HS2ST1: variants seen among roughly 807,000 people sequenced by gnomAD.
The protein encoded by HS2ST1 is 2-O-sulfotransferase.
A neutral mutation model predicts 42.9 loss-of-function variants in HS2ST1; 18 were observed. The ratio of observed to expected loss-of-function variants is 0.42; its 90% CI spans 0.29 to 0.62. HS2ST1 has a LOEUF of 0.62. Among genes scored for constraint, HS2ST1 ranks in the 20% least tolerant of loss-of-function variants. The probability of loss-of-function intolerance (pLI) is 0.21; values close to 1 mark genes in which losing one functional copy is unlikely to be tolerated. For missense variants in HS2ST1, 334 were observed against 433.8 expected, an observed-to-expected ratio of 0.77 and a Z score of 2.04; for synonymous variants, 146 against 152.9, an observed-to-expected ratio of 0.95 and a Z score of 0.33.
chr1:87,010,786 T>C (rs1482578972), intron 1 of HS2ST1, among the ~76,000 whole-genome samples: 3 of 148,330 alleles, frequency 2.0e-5, no homozygotes, highest in Non-Finnish European at 4.4e-5. Context: ...TTGTTTTGTT[T>C]TGTTTTGTTT....
intron 1 of HS2ST1, among the ~76,000 whole-genome samples, chr1:87,055,634 G>A (rs1409415704): frequency 6.6e-6 from 1 of 152,186 alleles, no homozygotes; most frequent in Non-Finnish European, 1.5e-5. Context: ...TGCAGTCCAT[G>A]TACCATAGGG....
At chr1:86,994,820 A>G (rs1022722499) in intron 1 of HS2ST1, among the ~76,000 whole-genome samples, 2 of 152,160 alleles carry the variant, frequency 1.3e-5, no homozygotes, top group African/African-American at 2.4e-5. Flanking sequence ...AAGTATCTTC[A>G]TTTAACAGAA....
rs796977878 is a variant in HS2ST1, at chr1:87,052,912, T to C, written c.125-20022T>C. ...GTGTTCCTGGACCATCATATCAGCA[T>C]TGGGAACTGGACTGGCAAATTCTTA... On this transcript the variant is annotated intron_variant, in intron 1 of 6. Coordinates refer to ENST00000370550, the MANE Select transcript of HS2ST1 (RefSeq NM_012262.4). Among the ~76,000 whole-genome samples, 7 of 152,242 alleles carry C rather than the reference T, an allele frequency of 4.6e-5. No homozygotes were observed. The South Asian group carries it at 1.5e-3, about 32-fold the overall frequency.
chr1:87,018,438 G>A (rs1271959040), intron 1 of HS2ST1, among the ~76,000 whole-genome samples: 5 of 152,132 alleles, frequency 3.3e-5, no homozygotes, highest in Admixed American at 6.6e-5. Context: ...ATCCACCCAC[G>A]AGGCAGTTTT....
intron 1 of HS2ST1, among the ~76,000 whole-genome samples, chr1:86,931,377 CA>C (rs1660535806): frequency 6.6e-6 from 1 of 151,772 alleles, no homozygotes; most frequent in African/African-American, 2.4e-5. Flanking sequence ...TTTTGTAGCC[CA>C]TTTTTTTTGT....
At chr1:86,949,174 T>A (rs1647427550) in intron 1 of HS2ST1, among the ~76,000 whole-genome samples, 1 of 152,174 alleles carries the variant, frequency 6.6e-6, no homozygotes, top group Admixed American at 6.5e-5. Context: ...AATGCTGTGA[T>A]CTCAGCTCAC....
chr1:87,058,393 C>G (rs1651030771), intron 1 of HS2ST1, among the ~76,000 whole-genome samples: 1 of 151,698 alleles, frequency 6.6e-6, no homozygotes, highest in African/African-American at 2.4e-5. Flanking sequence ...TCAAGTATTT[C>G]AAGAGACTGT....
At chr1:86,922,359 A>T (rs549484798) in intron 1 of HS2ST1, among the ~76,000 whole-genome samples, 1 of 151,680 alleles carries the variant, frequency 6.6e-6, no homozygotes, top group South Asian at 2.1e-4. Flanking sequence ...AAATATATAA[A>T]ATGTTTAAAA....
chr1:86,949,191 C>T (rs1647428340), intron 1 of HS2ST1, among the ~76,000 whole-genome samples: 1 of 152,164 alleles, frequency 6.6e-6, no homozygotes. Flanking sequence ...TCACTACAAC[C>T]TCTGCCTCCT....
intron 1 of HS2ST1, among the ~76,000 whole-genome samples, chr1:86,975,061 A>G (rs1349519804): frequency 6.6e-6 from 1 of 152,072 alleles, no homozygotes; most frequent in East Asian, 1.9e-4. Flanking sequence ...CCTGAAAGTT[A>G]TTATTTGGTA....
chr1:86,986,235 A>G (rs1648782141), intron 1 of HS2ST1, among the ~76,000 whole-genome samples: 1 of 152,060 alleles, frequency 6.6e-6, no homozygotes, highest in African/African-American at 2.4e-5. Context: ...TCTTATATAA[A>G]TATTTATCTA....
At chr1:87,003,050 C>T (rs11161922) in intron 1 of HS2ST1, among the ~76,000 whole-genome samples, 194 of 152,346 alleles carry the variant, frequency 1.3e-3, no homozygotes, top group African/African-American at 4.4e-3. Context: ...GTGTGGCCCA[C>T]GCCCTGATGG....
intron 1 of HS2ST1, among the ~76,000 whole-genome samples, chr1:87,058,440 CTGTTT>C (rs998453920): frequency 1.4e-4 from 21 of 151,602 alleles, no homozygotes; most frequent in Non-Finnish European, 2.2e-4. Context: ...GCTAAGTGCA[CTGTTT>C]TGTTTTGTTT....
chr1:86,993,049 C>T, intron 1 of HS2ST1: 2 of 1,579,524 alleles, frequency 1.3e-6, no homozygotes, highest in Non-Finnish European at 1.7e-6. Context: ...TTATGACTGG[C>T]ATCAGGGGAA....
chr1:86,960,409 C>T (rs961019565), intron 1 of HS2ST1, among the ~76,000 whole-genome samples: 2 of 152,094 alleles, frequency 1.3e-5, no homozygotes, highest in Non-Finnish European at 2.9e-5. Context: ...CAAAAGCATA[C>T]TCCATGAAAG....
intron 1 of HS2ST1, among the ~76,000 whole-genome samples, chr1:86,959,202 A>G (rs1441805368): frequency 6.6e-6 from 1 of 152,176 alleles, no homozygotes; most frequent in African/African-American, 2.4e-5. Context: ...CCCTCTCACT[A>G]CTCTTCAGCA....
chr1:86,944,588 C>T (rs1317843057), intron 1 of HS2ST1, among the ~76,000 whole-genome samples: 1 of 152,110 alleles, frequency 6.6e-6, no homozygotes, highest in Non-Finnish European at 1.5e-5. Context: ...CTCCTGACCT[C>T]AAGTGATCCA....
At chr1:87,089,664 C>T (rs1241532680) in intron 3 of HS2ST1, among the ~76,000 whole-genome samples, 3 of 151,938 alleles carry the variant, frequency 2.0e-5, no homozygotes, top group African/African-American at 7.2e-5. Flanking sequence ...AATCCCTTGC[C>T]TCCAGCCCTT....
chr1:87,013,437 C>G (rs967857118), intron 1 of HS2ST1, among the ~76,000 whole-genome samples: 1 of 152,208 alleles, frequency 6.6e-6, no homozygotes, highest in African/African-American at 2.4e-5. Flanking sequence ...AAGCAGGGCA[C>G]CAAGTCCTGA....
Sources: gnomAD v4.1 joint callset for allele counts (sites outside exome capture counted in the v4.1 genomes callset) on GRCh38, gnomAD v4.1.1 for gene constraint, MANE v1.5 for transcripts, NCBI Gene and HGNC (gene_info 2026-07-23, HGNC 2026-07-21) for gene names.